PROK2: variants seen among roughly 807,000 people sequenced by gnomAD.
PROK2 encodes the protein prokineticin-2.
In PROK2, 8 loss-of-function variants were observed where a neutral mutation model predicts 14.2. The observed-to-expected ratio is 0.56, with a 90% CI of 0.33 to 1.02. PROK2 has a LOEUF of 1.02. Among genes scored for constraint, PROK2 ranks in the 50% least tolerant of loss-of-function variants. The pLI is 0.03. For missense variants in PROK2, 154 were observed against 160.4 expected (o/e 0.96, Z 0.22); for synonymous variants, 59 against 60.7 (o/e 0.97, Z 0.13).
chr3:71,774,383 A>C, intron 3 of PROK2, 62 bp downstream of exon 3: 2 of 1,551,052 alleles, frequency 1.3e-6, no homozygotes, highest in African/African-American at 2.7e-5. Flanking sequence ...GTAGTCCAAC[A>C]ATGTAAAGGC....
intron 2 of PROK2, among the ~76,000 whole-genome samples, chr3:71,776,363 C>CCTTTTTTTTTTTT (rs2050118816): frequency 1.1e-5 from 1 of 92,070 alleles, no homozygotes; most frequent in African/African-American, 4.5e-5. Flanking sequence ...TTTCGCTTTT[C>CCTTTTTTTTTTTT]ATTTTTTTTT....
intron 1 of PROK2, among the ~76,000 whole-genome samples, chr3:71,782,732 G>A (rs536465236): frequency 6.6e-6 from 1 of 152,306 alleles, no homozygotes; most frequent in African/African-American, 2.4e-5. Context: ...TTTGAGGACA[G>A]TCATAACTTC....
chr3:71,782,719 A>C (rs906067203), intron 1 of PROK2, among the ~76,000 whole-genome samples: 82 of 152,192 alleles, frequency 5.4e-4, no homozygotes, highest in Non-Finnish European at 1.8e-4. Context: ...CAAAATTCTT[A>C]GTTTTGAGGA....
At chr3:71,776,331 C>T (rs1337617354) in intron 2 of PROK2, among the ~76,000 whole-genome samples, 1 of 145,242 alleles carries the variant, frequency 6.9e-6, no homozygotes, top group Non-Finnish European at 1.5e-5. Context: ...TCTTTCTTTT[C>T]TCTCTTCTTT....
At chr3:71,781,102 A>G (rs1180622543) in intron 2 of PROK2, among the ~76,000 whole-genome samples, 1 of 152,244 alleles carries the variant, frequency 6.6e-6, no homozygotes. Flanking sequence ...ATCTAATATT[A>G]AAAGCAGTCT....
In PROK2 at chr3:71,772,221, C is replaced by A; in HGVS notation, c.*503G>T. 1 of 160,842 alleles carries A rather than the reference C, an allele frequency of 6.2e-6. No homozygotes were observed. The highest frequency in any genetic ancestry group is 1.4e-5 in the Non-Finnish European group (1 of 73,728). 10.0% of individuals were successfully genotyped at this position (160,842 alleles called of 1,614,324 possible). On this transcript the variant is annotated 3_prime_UTR_variant, in exon 4 of 4. Transcript: ENST00000295619. ...GCCATCAAACTCAAAGAGACAAACC[C>A]TCCACTTTAAAATGCAAGAGGAGGG... is the stretch of plus-strand genomic sequence containing the variant.
Position 71,779,733 on chromosome 3 carries a change from G to T in PROK2, c.222+1734C>A, listed in dbSNP as rs141143896. Among the ~76,000 whole-genome samples the T allele has an allele frequency of 6.8e-3, 1,039 of 152,074 alleles. 4 individuals carry two copies. The highest frequency in any genetic ancestry group is 0.011 in the Non-Finnish European group (778 of 67,978). On this transcript the variant is annotated intron_variant, in intron 2 of 3. Transcript: ENST00000295619. The stretch of plus-strand genomic sequence containing the variant: ...TCCCCTCCCCCACCTCAGCCTTCCT[G>T]GTAATTAGGACTACAGGTGTGTGCC...
intron 1 of PROK2, among the ~76,000 whole-genome samples, chr3:71,782,972 A>G (rs910962514): frequency 1.3e-5 from 2 of 152,212 alleles, no homozygotes; most frequent in Admixed American, 6.5e-5. Flanking sequence ...GAAATCATGT[A>G]TATGTAGCCA....
intron 2 of PROK2, among the ~76,000 whole-genome samples, chr3:71,779,215 GT>G (rs926385245): frequency 2.0e-5 from 3 of 152,292 alleles, no homozygotes; most frequent in East Asian, 1.9e-4. Context: ...AAACAAACCA[GT>G]TTTGGTTAAT....
In PROK2 at chr3:71,785,145, C is replaced by T; in HGVS notation, c.-93G>A. On this transcript the variant is annotated 5_prime_UTR_variant, in exon 1 of 4. Coordinates refer to ENST00000295619, the MANE Select transcript of PROK2 (RefSeq NM_001126128.2). ...GCGCGGAGCGGCGGGCGGACGGGCG[C>T]GGCGGCTCCCGCGAGCCTCCGGGCC... The T allele has an allele frequency of 1.2e-6, 1 of 846,550 alleles. No homozygotes were observed. Among genetic ancestry groups the T allele is most frequent in the Non-Finnish European group, 1.5e-6 (1 of 649,234 alleles). 52.4% of individuals were successfully genotyped at this position (846,550 alleles called of 1,614,324 possible).
At chr3:71,778,418 A>G (rs968513575) in intron 2 of PROK2, among the ~76,000 whole-genome samples, 4 of 152,194 alleles carry the variant, frequency 2.6e-5, no homozygotes, top group African/African-American at 9.6e-5. Context: ...AGGGACTGTA[A>G]ACTGTACAAG....
intron 1 of PROK2, 148 bp downstream of exon 1, chr3:71,784,809 G>A: frequency 1.7e-6 from 1 of 593,304 alleles, no homozygotes; most frequent in South Asian, 9.0e-5. Context: ...ATTTTCCCAA[G>A]TGCACCAAGG....
In PROK2 at chr3:71,776,364, A is replaced by ATTTTTTTTTTTTTTT. The variant is rs58407323; in HGVS notation, c.223-1872_223-1858dup. On this transcript the variant is annotated intron_variant, in intron 2 of 3. Coordinates refer to ENST00000295619, the MANE Select transcript of PROK2 (RefSeq NM_001126128.2). The stretch of plus-strand genomic sequence containing the variant: ...TTTTCTTTTTTTCTTTTCGCTTTTC[A>ATTTTTTTTTTTTTTT]TTTTTTTTTTTTTTTTTTTTTTTTT... Among the ~76,000 whole-genome samples the ATTTTTTTTTTTTTTT allele has an allele frequency of 2.4e-4, 18 of 75,438 alleles. 2 individuals are homozygous for ATTTTTTTTTTTTTTT. Among genetic ancestry groups the ATTTTTTTTTTTTTTT allele is most frequent in the African/African-American group, 9.2e-4 (18 of 19,656 alleles). The allele number at this position is 75,438 out of a possible 152,430, so 49.5% of individuals were successfully genotyped here. A position where few individuals can be genotyped will look rare whatever the true frequency, so the allele number is the denominator to read the frequency against.
chr3:71,784,905 G>T (rs2050199878), intron 1 of PROK2, 52 bp downstream of exon 1: 9 of 1,210,868 alleles, frequency 7.4e-6, no homozygotes, highest in Non-Finnish European at 8.3e-6. Context: ...AAGCCCCCTG[G>T]GCACATCCCA....
chr3:71,778,395 A>C (rs1451894524), intron 2 of PROK2, among the ~76,000 whole-genome samples: 1 of 152,130 alleles, frequency 6.6e-6, no homozygotes, highest in Non-Finnish European at 1.5e-5. Flanking sequence ...CAATTATAAA[A>C]CAATAGCCTG....
rs531090777 is a variant in PROK2, at chr3:71,785,026, G to A, written c.27C>T (p.Leu9=). 11 of 1,245,264 alleles carry A rather than the reference G, an allele frequency of 8.8e-6. No homozygotes were observed. In the Admixed American group the frequency reaches 4.6e-4, roughly 52 times the overall value. The allele number at this position is 1,245,264 out of a possible 1,614,324, so 77.1% of individuals were successfully genotyped here. MRSLCCAP[L]LLLLLLPPLL... is the part of the protein sequence containing the mutation. ...GCGGCGGCAGCAGCAAGAGGAGCAG[G>A]AGTGGGGCGCAGCACAGGCTCCTCA... The change falls in exon 1 of 4, where the codon CTC becomes CTT. Residue 9 remains leucine, a synonymous_variant. Transcript: ENST00000295619.
chr3:71,774,468 T>C lies in PROK2; in HGVS notation c.262A>G (p.Lys88Glu). ...ACCTCCTTTTTCCTTTTGCTTCTCT[T>C]CCTCTTTCTTCTTTCCTGCCTTCCA... Reference protein sequence around the residue: ...GNGRQERRKRKRSKRKKEVPF... With the variant: ...GNGRQERRKRERSKRKKEVPF... Residue 88 changes from lysine to glutamate, a missense_variant, in exon 3 of 4, where the codon AAG (lysine) becomes GAG (glutamate). By Grantham distance (56) the Lys-to-Glu change is moderately conservative (BLOSUM62 1). Transcript: ENST00000295619. The C allele has an allele frequency of 6.4e-7, 1 of 1,551,410 alleles. No homozygotes were observed.
chr3:71,783,381 G>C (rs964148831), intron 1 of PROK2, among the ~76,000 whole-genome samples: 7 of 151,982 alleles, frequency 4.6e-5, no homozygotes, highest in African/African-American at 9.7e-5. Context: ...GTAACACTGA[G>C]TTAAAATAAC....
Position 71,772,559 on chromosome 3 carries a change from T to TA in PROK2, c.*164dup, listed in dbSNP as rs56679628. The TA allele has an allele frequency of 0.1, 62,304 of 596,012 alleles. 1,002 individuals are homozygous for TA. The highest frequency in any genetic ancestry group is 0.23 in the South Asian group (10,537 of 46,068). The allele number at this position is 596,012 out of a possible 1,614,324, so 36.9% of individuals were successfully genotyped here. A position where few individuals can be genotyped will look rare whatever the true frequency, so the allele number is the denominator to read the frequency against. On this transcript the variant is annotated 3_prime_UTR_variant, in exon 4 of 4. Coordinates refer to ENST00000295619, the MANE Select transcript of PROK2 (RefSeq NM_001126128.2). ...ATCCAAAAGTAAAATTCTCTTTCGATAAAAAAAAAAAAAAATCATTTACAA... is the reference window on the plus strand; with the variant it reads ...ATCCAAAAGTAAAATTCTCTTTCGATAAAAAAAAAAAAAAAATCATTTACAA...
Sources: gnomAD v4.1 joint callset for allele counts (sites outside exome capture counted in the v4.1 genomes callset) on GRCh38, gnomAD v4.1.1 for gene constraint, MANE v1.5 for transcripts, NCBI Gene and HGNC (gene_info 2026-07-23, HGNC 2026-07-21) for gene names.